Variants in CCDC171 observed in about 807,000 individuals in gnomAD.
The protein encoded by CCDC171 is coiled-coil domain-containing protein 171.
A neutral mutation model predicts 168.2 loss-of-function variants in CCDC171; 177 were observed. The observed-to-expected ratio is 1.05, with a 90% CI of 0.93 to 1.19. The LOEUF is 1.19. Among genes scored for constraint, CCDC171 ranks in the 50% most tolerant of loss-of-function variants. The pLI, the probability that CCDC171 is intolerant of heterozygous loss-of-function variation, is 0.00. For synonymous variants in CCDC171, 687 were observed against 540.8 expected, an observed-to-expected ratio of 1.27 and a Z score of -3.75; for missense variants, 1,991 against 1,539.0, an observed-to-expected ratio of 1.29 and a Z score of -4.91.
At chr9:16,050,250 G>C (rs1833729786) in intron 1 of CCDC171, among the ~76,000 whole-genome samples, 1 of 152,236 alleles carries the variant, frequency 6.6e-6, no homozygotes, top group Non-Finnish European at 1.5e-5. Context: ...TCAAGTGTAT[G>C]AGGCTACTTA....
intron 15 of CCDC171, 48 bp from the exon 16 acceptor site, chr9:15,729,562 A>T: frequency 7.7e-7 from 1 of 1,290,532 alleles, no homozygotes; most frequent in Non-Finnish European, 1.1e-6. Context: ...TGACACAAAG[A>T]AATAGCTTGT....
At chr9:15,968,735 C>T (rs1158477065) in intron 25 of CCDC171, among the ~76,000 whole-genome samples, 2 of 152,006 alleles carry the variant, frequency 1.3e-5, no homozygotes, top group Non-Finnish European at 2.9e-5. Flanking sequence ...GACGAGGTTC[C>T]ACCATGTTGG....
chr9:16,068,670 C>T, the CCDC171 span, among the ~76,000 whole-genome samples: 10 of 151,886 alleles, frequency 6.6e-5, no homozygotes, highest in African/African-American at 1.9e-4. Context: ...AGTGAATCTA[C>T]GTAAATCACA....
intron 3 of CCDC171, among the ~76,000 whole-genome samples, chr9:16,012,048 C>T (rs2987081): frequency 0.57 from 85,882 of 151,982 alleles, 24,486 homozygotes; most frequent in East Asian, 0.66. Flanking sequence ...CATCAGATCC[C>T]CTTGTGGACT....
intron 24 of CCDC171, among the ~76,000 whole-genome samples, chr9:15,907,981 C>G (rs528455454): frequency 2.0e-4 from 31 of 152,072 alleles, no homozygotes; most frequent in African/African-American, 7.2e-4. Flanking sequence ...TTTAGAATGG[C>G]AATCATTAAA....
At chr9:15,632,412 C>T (rs965575778) in intron 7 of CCDC171, among the ~76,000 whole-genome samples, 4 of 151,896 alleles carry the variant, frequency 2.6e-5, no homozygotes, top group East Asian at 1.9e-4. Flanking sequence ...GAGTGAACTC[C>T]CATTCACAAT....
At chr9:15,585,612 G>T (rs2041495101) in intron 4 of CCDC171, among the ~76,000 whole-genome samples, 1 of 152,188 alleles carries the variant, frequency 6.6e-6, no homozygotes. Context: ...CTGGGAAAGA[G>T]TATGAGGGTA....
intron 25 of CCDC171, among the ~76,000 whole-genome samples, chr9:15,929,273 T>C (rs1342569772): frequency 6.6e-6 from 1 of 151,718 alleles, no homozygotes; most frequent in African/African-American, 2.4e-5. Context: ...CTATTAGTTT[T>C]TCAAAGAATG....
intron 25 of CCDC171, among the ~76,000 whole-genome samples, chr9:15,966,916 T>G (rs1488671363): frequency 6.6e-6 from 1 of 151,952 alleles, no homozygotes; most frequent in East Asian, 1.9e-4. Context: ...TATATATAAC[T>G]GTGTATATTT....
chr9:15,589,144 G>C (rs1175805707), intron 4 of CCDC171, among the ~76,000 whole-genome samples: 1 of 152,166 alleles, frequency 6.6e-6, no homozygotes, highest in East Asian at 1.9e-4. Context: ...CTAGTTTTGA[G>C]AGACTTCTTC....
At chr9:15,648,880 A>G (rs545657773) in intron 7 of CCDC171, among the ~76,000 whole-genome samples, 2 of 152,346 alleles carry the variant, frequency 1.3e-5, no homozygotes, top group East Asian at 1.9e-4. Flanking sequence ...CTTTCTTCAC[A>G]GAATTGGAAA....
intron 24 of CCDC171, among the ~76,000 whole-genome samples, chr9:15,896,080 G>GT (rs1321188717): frequency 6.6e-6 from 1 of 151,764 alleles, no homozygotes; most frequent in Non-Finnish European, 1.5e-5. Flanking sequence ...TTTTTTCTAT[G>GT]TAATTGTCCC....
chr9:15,878,322 C>T (rs1164194220), intron 24 of CCDC171, among the ~76,000 whole-genome samples: 1 of 151,442 alleles, frequency 6.6e-6, no homozygotes, highest in African/African-American at 2.4e-5. Context: ...GATATGAACA[C>T]ATACTTTTCA....
chr9:15,634,637 AAAC>A (rs2046051061), intron 7 of CCDC171, among the ~76,000 whole-genome samples: 1 of 152,192 alleles, frequency 6.6e-6, no homozygotes, highest in African/African-American at 2.4e-5. Flanking sequence ...TGAGTAAAAA[AAAC>A]ACTTTATAGA....
intron 1 of CCDC171, among the ~76,000 whole-genome samples, chr9:16,043,674 A>G (rs559425141): frequency 6.6e-6 from 1 of 152,342 alleles, no homozygotes; most frequent in African/African-American, 2.4e-5. Flanking sequence ...GCTGGAGGAG[A>G]TCTGTAGATA....
the CCDC171 span, among the ~76,000 whole-genome samples, chr9:16,098,114 C>T: frequency 6.6e-6 from 1 of 152,186 alleles, no homozygotes; most frequent in Non-Finnish European, 1.5e-5. Context: ...TTATTGAGAA[C>T]ATACACATCA....
intron 18 of CCDC171, among the ~76,000 whole-genome samples, chr9:15,761,769 C>T (rs1054916366): frequency 6.6e-6 from 1 of 152,098 alleles, no homozygotes; most frequent in African/African-American, 2.4e-5. Flanking sequence ...TTTGGGGAGC[C>T]ACAATTTAAC....
chr9:15,653,372 G>A (rs1349667986), intron 7 of CCDC171, among the ~76,000 whole-genome samples: 1 of 151,710 alleles, frequency 6.6e-6, no homozygotes. Flanking sequence ...GGACTCCTGG[G>A]CTCAAGTGAT....
chr9:15,750,847 C>T (rs2055686226), intron 18 of CCDC171, among the ~76,000 whole-genome samples: 1 of 152,190 alleles, frequency 6.6e-6, no homozygotes, highest in South Asian at 2.1e-4. Context: ...AAGCTGGAAG[C>T]ATTCCCTTTG....
Sources: allele counts gnomAD v4.1 joint callset (sites outside exome capture counted in the v4.1 genomes callset), GRCh38; gene constraint gnomAD v4.1.1; transcripts MANE v1.5; gene names NCBI Gene and HGNC (gene_info 2026-07-23, HGNC 2026-07-21).